MTUS2: variants seen among roughly 807,000 people sequenced by gnomAD.
The protein encoded by MTUS2 is microtubule-associated tumor suppressor candidate 2.
Under a neutral mutation model 114.1 loss-of-function variants are expected in MTUS2, and 40 were observed. The ratio of observed to expected loss-of-function variants is 0.35; its 90% confidence interval spans 0.27 to 0.46. The LOEUF (loss-of-function observed/expected upper bound fraction) is 0.46, where lower values mean the gene tolerates loss of function less well. MTUS2 is among the 20% of genes least tolerant of loss of function. The pLI, the probability that MTUS2 is intolerant of heterozygous loss-of-function variation, is 1.00. For synonymous variants in MTUS2, 688 were observed against 672.0 expected (o/e 1.02, Z -0.37); for missense variants, 1,679 against 1,705.4 (o/e 0.98, Z 0.27).
At chr13:29,190,494 C>T (rs1894402874) in intron 5 of MTUS2, among the ~76,000 whole-genome samples, 1 of 152,208 alleles carries the variant, frequency 6.6e-6, no homozygotes, top group Admixed American at 6.5e-5. Context: ...TGCTAAGCCC[C>T]ATGCTATGGA....
chr13:28,879,830 T>C (rs1878180586), intron 2 of MTUS2, among the ~76,000 whole-genome samples: 1 of 151,172 alleles, frequency 6.6e-6, no homozygotes, highest in African/African-American at 2.5e-5. Flanking sequence ...TATCTAAGTG[T>C]GATTGGCACA....
At chr13:29,353,446 A>G (rs925936062) in intron 7 of MTUS2, among the ~76,000 whole-genome samples, 1 of 152,146 alleles carries the variant, frequency 6.6e-6, no homozygotes, top group South Asian at 2.1e-4. Context: ...GATTACAGAC[A>G]CACACCACTG....
At position 29,492,029 on chromosome 13, in the gene MTUS2, TGTA is replaced by T. The variant is rs748024027; in HGVS notation, c.3506-614_3506-612del. Among the ~76,000 whole-genome samples the T allele has an allele frequency of 2.2e-3, 320 of 144,330 alleles. 4 individuals carry two copies. Among genetic ancestry groups the T allele is most frequent in the Middle Eastern group, 7.5e-3 (2 of 266 alleles). 94.7% of individuals were successfully genotyped at this position (144,330 alleles called of 152,430 possible). A position where few individuals can be genotyped will look rare whatever the true frequency, so the allele number is the denominator to read the frequency against. On this transcript the variant is annotated intron_variant, in intron 11 of 15. Coordinates refer to ENST00000612955, the MANE Select transcript of MTUS2 (RefSeq NM_001033602.4). ...TGTGAATGTGTGTGGTAGGTGTGTG[TGTA>T]GTGTGTGTGTATGTGATGTGTGTGG...
At chr13:29,231,969 GA>G (rs1041425331) in intron 5 of MTUS2, among the ~76,000 whole-genome samples, 35 of 152,176 alleles carry the variant, frequency 2.3e-4, no homozygotes, top group African/African-American at 7.7e-4. Context: ...GAGGATATAA[GA>G]ATTTTTTTAC....
chr13:29,116,270 A>G (rs1387102763), intron 5 of MTUS2, among the ~76,000 whole-genome samples: 1 of 152,206 alleles, frequency 6.6e-6, no homozygotes, highest in East Asian at 1.9e-4. Flanking sequence ...ACTATGTATT[A>G]TTTTTACCCT....
At chr13:29,400,790 C>T (rs1336119480) in intron 8 of MTUS2, among the ~76,000 whole-genome samples, 1 of 152,188 alleles carries the variant, frequency 6.6e-6, no homozygotes. Context: ...TTCCCCTAAT[C>T]ATTAGAACCT....
intron 8 of MTUS2, among the ~76,000 whole-genome samples, chr13:29,388,300 T>TAA (rs1283722425): frequency 6.6e-6 from 1 of 152,064 alleles, no homozygotes; most frequent in Non-Finnish European, 1.5e-5. Flanking sequence ...GAGGTTGGCT[T>TAA]TGTTGTCTTC....
chr13:29,401,076 C>T (rs1874304237), intron 8 of MTUS2, among the ~76,000 whole-genome samples: 1 of 152,214 alleles, frequency 6.6e-6, no homozygotes, highest in Admixed American at 6.5e-5. Flanking sequence ...CAAACGCCAC[C>T]TCTCAGGGTC....
At position 29,360,334 on chromosome 13, in the gene MTUS2, CA is replaced by C. The variant is rs576600092; in HGVS notation, c.3117+862del. On this transcript the variant is annotated intron_variant, in intron 8 of 15. Transcript: ENST00000612955. ...TATCTGGTCAATTTGAAAAGAAAAG[CA>C]GAAGAATGTGAAGTGGCTCCATGTC... is the stretch of plus-strand genomic sequence containing the variant. Among the ~76,000 whole-genome samples, 962 of 152,290 alleles carry C rather than the reference CA, an allele frequency of 6.3e-3. 6 individuals carry two copies. The highest frequency in any genetic ancestry group is 0.011 in the Non-Finnish European group (733 of 68,030).
chr13:28,909,994 T>C (rs1344589577), intron 2 of MTUS2, among the ~76,000 whole-genome samples: 2 of 152,194 alleles, frequency 1.3e-5, no homozygotes. Context: ...TAACAGAAAA[T>C]GGGGTATCCG....
Position 29,025,484 on chromosome 13 carries a change from G to A in MTUS2, c.786G>A (p.Val262=), listed in dbSNP as rs781254677. The change falls in exon 3 of 16, where the codon GTG becomes GTA. Residue 262 remains valine, a synonymous_variant. Transcript: ENST00000612955. ...KQSTPSETQT[V]GAHVLQVCSE... ...GCACTCCCTCAGAGACCCAAACAGT[G>A]GGGGCACATGTACTGCAGGTGTGCA... The A allele has an allele frequency of 6.2e-7, 1 of 1,613,440 alleles. No homozygotes were observed. The highest frequency in any genetic ancestry group is 1.1e-5 in the South Asian group (1 of 90,920).
chr13:29,214,847 C>T (rs1895612907), intron 5 of MTUS2, among the ~76,000 whole-genome samples: 1 of 152,070 alleles, frequency 6.6e-6, no homozygotes, highest in Admixed American at 6.6e-5. Context: ...CTTGGGGTTG[C>T]TCTTCTCGAG....
intron 7 of MTUS2, among the ~76,000 whole-genome samples, 199 bp from the exon 8 acceptor site, chr13:29,359,063 C>A (rs762551490): frequency 1.1e-4 from 17 of 151,874 alleles, no homozygotes; most frequent in Non-Finnish European, 2.5e-4. Context: ...AAGCACGAAA[C>A]CTTGCACTTA....
chr13:29,223,048 G>A (rs1461605093), intron 5 of MTUS2, among the ~76,000 whole-genome samples: 4 of 152,196 alleles, frequency 2.6e-5, no homozygotes, highest in Non-Finnish European at 5.9e-5. Context: ...GACACTGTGG[G>A]CACCATGGAT....
intron 4 of MTUS2, among the ~76,000 whole-genome samples, chr13:29,057,042 T>A (rs1888166485): frequency 6.6e-6 from 1 of 152,172 alleles, no homozygotes; most frequent in South Asian, 2.1e-4. Context: ...TCTTGATATC[T>A]GCCTTAATTT....
chr13:29,422,510 C>T lies in MTUS2; in HGVS notation c.3118-17473C>T, dbSNP rs113572902. 8.7e-3 allele frequency among the ~76,000 whole-genome samples: 1,325 copies of T among 152,276 alleles called. 25 individuals carry two copies. Among genetic ancestry groups the T allele is most frequent in the African/African-American group, 0.03 (1,261 of 41,554 alleles). ...CCAAGGAGACCCACCATTAGGCTTT[C>T]CTATGACTTTTCTAAATGTTTGTTG... On this transcript the variant is annotated intron_variant, in intron 8 of 15. Coordinates refer to ENST00000612955, the MANE Select transcript of MTUS2 (RefSeq NM_001033602.4).
chr13:29,464,472 T>C (rs1275844594), intron 9 of MTUS2, among the ~76,000 whole-genome samples: 2 of 152,234 alleles, frequency 1.3e-5, no homozygotes, highest in Non-Finnish European at 2.9e-5. Flanking sequence ...GGGCACTGTC[T>C]GCCCTCTGCT....
chr13:29,497,222 G>A lies in MTUS2; in HGVS notation c.3580-16G>A. On this transcript the variant is annotated splice_polypyrimidine_tract_variant and intron_variant, in intron 12 of 15. Transcript: ENST00000612955. The stretch of plus-strand genomic sequence containing the variant: ...TGTAGTGGCCCCAGCTGGACTCCTT[G>A]TATCATTACTTGCAGGACCAGGTGG... The A allele has an allele frequency of 6.2e-7, 1 of 1,610,394 alleles. No individual in the cohort carries two copies. The highest frequency in any genetic ancestry group is 1.1e-5 in the South Asian group (1 of 90,896).
At chr13:29,274,887 G>A (rs1408351092) in intron 5 of MTUS2, among the ~76,000 whole-genome samples, 1 of 151,940 alleles carries the variant, frequency 6.6e-6, no homozygotes, top group Non-Finnish European at 1.5e-5. Context: ...GTACCACCAT[G>A]CCCCAGCTAA....
Sources: allele counts gnomAD v4.1 joint callset (sites outside exome capture counted in the v4.1 genomes callset), GRCh38; gene constraint gnomAD v4.1.1; transcripts MANE v1.5; gene names NCBI Gene and HGNC (gene_info 2026-07-23, HGNC 2026-07-21).